DNAH3: variants seen among roughly 807,000 people sequenced by gnomAD.
The protein encoded by DNAH3 is dynein axonemal heavy chain 3.
In DNAH3, 332 loss-of-function variants were observed where a neutral mutation model predicts 432.5. The observed-to-expected ratio is 0.77, with a 90% CI of 0.70 to 0.84. DNAH3 has a LOEUF of 0.84. Among genes scored for constraint, DNAH3 ranks in the 40% least tolerant of loss-of-function variants. The pLI is 0.00. For synonymous variants in DNAH3, 1,956 were observed against 1,900.2 expected (o/e 1.03, Z -0.76); for missense variants, 4,861 against 5,114.0 (o/e 0.95, Z 1.51).
intron 31 of DNAH3, among the ~76,000 whole-genome samples, chr16:21,045,886 G>T (rs1321911695): frequency 7.7e-6 from 1 of 129,468 alleles, no homozygotes; most frequent in Admixed American, 8.0e-5. Context: ...CTTTGTTCTC[G>T]TTGGTTTCAA....
intron 52 of DNAH3, among the ~76,000 whole-genome samples, chr16:20,966,766 G>A (rs1344015708): frequency 6.6e-6 from 1 of 152,190 alleles, no homozygotes; most frequent in Admixed American, 6.5e-5. Flanking sequence ...GGGTTGGATG[G>A]AGCCCAATCA....
intron 9 of DNAH3, among the ~76,000 whole-genome samples, chr16:21,122,391 C>A (rs559396147): frequency 6.6e-6 from 1 of 151,956 alleles, no homozygotes; most frequent in Non-Finnish European, 1.5e-5. Flanking sequence ...CCCGTCTCTA[C>A]TAAAAAACAC....
At chr16:20,990,000 C>G (rs2086473090) in intron 44 of DNAH3, among the ~76,000 whole-genome samples, 1 of 152,234 alleles carries the variant, frequency 6.6e-6, no homozygotes, top group South Asian at 2.1e-4. Flanking sequence ...CGCGCGCAGC[C>G]CCGGTTCCCA....
chr16:21,127,938 G>C (rs1461381960), intron 7 of DNAH3, 126 bp from the exon 9 acceptor site: 2 of 1,179,530 alleles, frequency 1.7e-6, no homozygotes, highest in East Asian at 4.9e-5. Context: ...ATGAATTACA[G>C]GATATGGGAA....
intron 1 of DNAH3, chr16:21,159,272 G>T: frequency 6.8e-7 from 1 of 1,475,316 alleles, no homozygotes. Flanking sequence ...ACTCCCCTCT[G>T]AGTTCCCATT....
rs370381549 is a variant in DNAH3, at chr16:21,062,534, G to A, written c.3668C>T (p.Ser1223Leu). ...TATGAATGGAACAGTTTCTTTTTCCGAGCTGATCATGCCCACAATTTCCAG... is the reference window on the plus strand; with the variant it reads ...TATGAATGGAACAGTTTCTTTTTCCAAGCTGATCATGCCCACAATTTCCAG... The change falls in exon 25 of 62, where the codon TCG becomes TTG. Residue 1223 changes from serine to leucine, a missense_variant. By Grantham distance (145) the Ser-to-Leu change is moderately radical (BLOSUM62 -2). Transcript: ENST00000261383. The A allele has an allele frequency of 9.2e-5, 149 of 1,614,032 alleles. 1 individual carries two copies. Among genetic ancestry groups the A allele is most frequent in the South Asian group, 5.8e-4 (53 of 91,084 alleles).
chr16:21,143,310 A>T (rs1215103848), intron 3 of DNAH3, among the ~76,000 whole-genome samples: 1 of 152,138 alleles, frequency 6.6e-6, no homozygotes, highest in East Asian at 1.9e-4. Context: ...TGACTAGGTC[A>T]TGAGGGCTCC....
intron 21 of DNAH3, among the ~76,000 whole-genome samples, chr16:21,072,796 A>T (rs2090837165): frequency 6.6e-6 from 1 of 150,482 alleles, no homozygotes; most frequent in Non-Finnish European, 1.5e-5. Context: ...TAGCTGGTGC[A>T]CATCACCATA....
At chr16:20,971,693 A>G (rs1465220813) in intron 51 of DNAH3, among the ~76,000 whole-genome samples, 1 of 152,086 alleles carries the variant, frequency 6.6e-6, no homozygotes, top group East Asian at 1.9e-4. Flanking sequence ...TTGTGCGATC[A>G]CTCACCTCCC....
chr16:20,984,130 C>T (rs1210587222), intron 48 of DNAH3, among the ~76,000 whole-genome samples: 4 of 151,354 alleles, frequency 2.6e-5, no homozygotes, highest in African/African-American at 7.3e-5. Context: ...CATTATGAGA[C>T]CGCAGGTTAG....
At chr16:21,097,520 C>T (rs1393618435) in intron 17 of DNAH3, 21 bp from the exon 18 acceptor site, 1 of 1,610,910 alleles carries the variant, frequency 6.2e-7, no homozygotes, top group Non-Finnish European at 8.5e-7. Flanking sequence ...AAAGGAGATG[C>T]TGTTTATGGG....
chr16:21,011,624 G>A (rs1199626226), intron 41 of DNAH3, among the ~76,000 whole-genome samples: 1 of 152,128 alleles, frequency 6.6e-6, no homozygotes, highest in African/African-American at 2.4e-5. Flanking sequence ...GCCTCCCAAA[G>A]TGCTGGGATT....
At chr16:21,062,810 G>C (rs2090409219) in intron 24 of DNAH3, 127 bp from the exon 25 acceptor site, 3 of 683,944 alleles carry the variant, frequency 4.4e-6, no homozygotes, top group Admixed American at 2.9e-5. Context: ...TCTTCACAAA[G>C]GCCCACTCTC....
At chr16:21,065,312 C>G (rs986642013) in intron 24 of DNAH3, among the ~76,000 whole-genome samples, 3 of 152,094 alleles carry the variant, frequency 2.0e-5, no homozygotes, top group Non-Finnish European at 4.4e-5. Context: ...AGGCACCCAC[C>G]ACCACGCCCA....
intron 11 of DNAH3, among the ~76,000 whole-genome samples, chr16:21,117,830 C>T (rs1027296245): frequency 1.3e-5 from 2 of 152,170 alleles, no homozygotes; most frequent in Admixed American, 1.3e-4. Context: ...TCAAAAAATA[C>T]TGGGTGAGTC....
chr16:21,103,591 G>A (rs1239861808), intron 16 of DNAH3, among the ~76,000 whole-genome samples: 1 of 152,150 alleles, frequency 6.6e-6, no homozygotes, highest in African/African-American at 2.4e-5. Context: ...TCCCTGGGGA[G>A]CACACTTAGG....
intron 20 of DNAH3, among the ~76,000 whole-genome samples, chr16:21,080,561 G>C (rs1229726234): frequency 6.6e-6 from 1 of 152,202 alleles, no homozygotes; most frequent in Non-Finnish European, 1.5e-5. Flanking sequence ...ATGGCCACAT[G>C]TGGCCAGTGG....
chr16:21,039,990 C>G, intron 32 of DNAH3, 47 bp from the exon 33 acceptor site: 1 of 1,457,166 alleles, frequency 6.9e-7, no homozygotes, highest in Non-Finnish European at 9.6e-7. Context: ...GCAGTGAATA[C>G]TGAGGGAACG....
At position 20,979,659 on chromosome 16, in the gene DNAH3, C is replaced by A. The variant is rs937095853; in HGVS notation, c.7860-113G>T. ...GAAGGCACATACACTGACTGTGACA[C>A]GTTAGAATCCAAACTCTCTGAGGAC... On this transcript the variant is annotated intron_variant, in intron 49 of 61. Coordinates refer to ENST00000261383, the Ensembl canonical transcript of DNAH3. 19 of 906,956 alleles carry A rather than the reference C, an allele frequency of 2.1e-5. No homozygotes were observed. In the South Asian group the frequency reaches 2.5e-4, roughly 12 times the overall value. The allele number at this position is 906,956 out of a possible 1,614,324, so 56.2% of individuals were successfully genotyped here.
Sources: allele counts gnomAD v4.1 joint callset (sites outside exome capture counted in the v4.1 genomes callset), GRCh38; gene constraint gnomAD v4.1.1; transcripts MANE v1.5; gene names NCBI Gene and HGNC (gene_info 2026-07-23, HGNC 2026-07-21).